Variants in UNC5D observed in about 807,000 individuals in gnomAD.
The protein encoded by UNC5D is netrin receptor UNC5D.
In UNC5D, 39 loss-of-function variants were observed where a neutral mutation model predicts 105.4. The observed-to-expected ratio is 0.37, with a 90% CI of 0.29 to 0.48. The LOEUF is 0.48. Among genes scored for constraint, UNC5D ranks in the 20% least tolerant of loss-of-function variants. The pLI is 0.98. For synonymous variants in UNC5D, 452 were observed against 450.4 expected (o/e 1.00, Z -0.04); for missense variants, 991 against 1,202.4 (o/e 0.82, Z 2.60).
rs369102474 is a variant in UNC5D at position 35,682,927 on chromosome 8, A to G, written c.571-620A>G. ...GTCAGCTACCTAACCCAAGGCCTAA[A>G]TGTCTCTTCGATCACTGGAGGAGTA... On this transcript the variant is annotated intron_variant, in intron 4 of 16. Transcript: ENST00000404895. Among the ~76,000 whole-genome samples, 47 of 152,330 alleles carry G rather than the reference A, an allele frequency of 3.1e-4. No individual in the cohort carries two copies. In the South Asian group the frequency reaches 9.3e-3, roughly 30 times the overall value.
At chr8:35,548,934 T>A (rs948596488) in intron 1 of UNC5D, among the ~76,000 whole-genome samples, 1 of 152,210 alleles carries the variant, frequency 6.6e-6, no homozygotes, top group Non-Finnish European at 1.5e-5. Context: ...TTGAAGCAGC[T>A]TGGGGTTGTC....
At chr8:35,744,745 G>T (rs1442763982) in intron 11 of UNC5D, among the ~76,000 whole-genome samples, 1 of 151,914 alleles carries the variant, frequency 6.6e-6, no homozygotes, top group East Asian at 1.9e-4. Context: ...GATGACCTAA[G>T]CAGGAAAAAA....
intron 7 of UNC5D, among the ~76,000 whole-genome samples, chr8:35,698,929 G>T (rs1044701474): frequency 1.3e-5 from 2 of 152,028 alleles, no homozygotes; most frequent in South Asian, 4.1e-4. Flanking sequence ...TGGAAGGTAG[G>T]GGATCAAAGC....
rs548740591 is a variant in UNC5D at position 35,239,528 on chromosome 8, A to G, written c.103+3641A>G. Among the ~76,000 whole-genome samples the G allele has an allele frequency of 2.0e-5, 3 of 151,000 alleles. No individual in the cohort carries two copies. The East Asian group carries it at 5.9e-4, about 29-fold the overall frequency. On this transcript the variant is annotated intron_variant, in intron 1 of 16. Transcript: ENST00000404895. ...TTTTTAATATCTAGGCTAGAGACTC[A>G]GACATGTATTAAAATCTAATCCCAA...
At chr8:35,643,233 A>G (rs1822860274) in intron 4 of UNC5D, among the ~76,000 whole-genome samples, 1 of 152,184 alleles carries the variant, frequency 6.6e-6, no homozygotes, top group Non-Finnish European at 1.5e-5. Context: ...ACAGCCAAAT[A>G]TGTCTCCAGA....
At chr8:35,530,318 C>T (rs1163726939) in intron 1 of UNC5D, among the ~76,000 whole-genome samples, 4 of 97,074 alleles carry the variant, frequency 4.1e-5, no homozygotes, top group African/African-American at 4.2e-5. Flanking sequence ...TGGTTTTTGT[C>T]TTTGGCTCTG....
At chr8:35,733,855 A>G (rs1411474727) in intron 11 of UNC5D, among the ~76,000 whole-genome samples, 1 of 152,178 alleles carries the variant, frequency 6.6e-6, no homozygotes, top group Non-Finnish European at 1.5e-5. Flanking sequence ...CTGAGTCTTA[A>G]AAGATGAATA....
intron 1 of UNC5D, among the ~76,000 whole-genome samples, chr8:35,465,871 A>G (rs927592870): frequency 1.3e-5 from 2 of 152,150 alleles, no homozygotes; most frequent in African/African-American, 2.4e-5. Context: ...GTAGAAGACA[A>G]TGCAGAGAAC....
At chr8:35,485,155 CAAAG>C (rs1049389475) in intron 1 of UNC5D, among the ~76,000 whole-genome samples, 19 of 152,074 alleles carry the variant, frequency 1.2e-4, no homozygotes, top group African/African-American at 4.6e-4. Flanking sequence ...AAGCAGAACA[CAAAG>C]AAAGCAGGAC....
intron 3 of UNC5D, among the ~76,000 whole-genome samples, chr8:35,583,857 T>C (rs953143387): frequency 6.6e-6 from 1 of 152,220 alleles, no homozygotes; most frequent in African/African-American, 2.4e-5. Flanking sequence ...AATTGCCTTC[T>C]ATGGAACTTG....
intron 3 of UNC5D, among the ~76,000 whole-genome samples, chr8:35,593,088 A>AC (rs1554569636): frequency 3.6e-5 from 5 of 137,836 alleles, no homozygotes; most frequent in Non-Finnish European, 8.0e-5. Context: ...CACACACACA[A>AC]ATATGTAAAT....
At chr8:35,287,011 C>G (rs1057009213) in intron 1 of UNC5D, among the ~76,000 whole-genome samples, 1 of 152,142 alleles carries the variant, frequency 6.6e-6, no homozygotes, top group Non-Finnish European at 1.5e-5. Context: ...AGAGCACAGC[C>G]AGAAATACTA....
intron 4 of UNC5D, among the ~76,000 whole-genome samples, chr8:35,605,123 C>A (rs547635575): frequency 2.6e-5 from 4 of 152,274 alleles, no homozygotes; most frequent in Middle Eastern, 3.4e-3. Context: ...AGAAGCTCTG[C>A]TTTTTAGAGT....
chr8:35,517,247 T>C (rs1813157018), intron 1 of UNC5D, among the ~76,000 whole-genome samples: 1 of 151,956 alleles, frequency 6.6e-6, no homozygotes, highest in Admixed American at 6.6e-5. Flanking sequence ...GTGTAGAGAG[T>C]ACCTAGACTG....
chr8:35,602,627 T>G (rs1308523143), intron 4 of UNC5D, among the ~76,000 whole-genome samples: 1 of 152,258 alleles, frequency 6.6e-6, no homozygotes, highest in Admixed American at 6.5e-5. Context: ...TTTGTATTTC[T>G]GTGGGATTGG....
At chr8:35,253,711 G>C (rs6993424) in intron 1 of UNC5D, among the ~76,000 whole-genome samples, 10 of 151,692 alleles carry the variant, frequency 6.6e-5, no homozygotes, top group African/African-American at 2.4e-4. Flanking sequence ...GGATGATTTC[G>C]ATTTCCTGAC....
intron 1 of UNC5D, among the ~76,000 whole-genome samples, chr8:35,250,286 GTTTGT>G (rs1803605581): frequency 6.6e-6 from 1 of 152,094 alleles, no homozygotes; most frequent in Admixed American, 6.5e-5. Context: ...TTGTTTGTTT[GTTTGT>G]TTTAAGTTCC....
chr8:35,530,325 T>G (rs199850022), intron 1 of UNC5D, among the ~76,000 whole-genome samples: 10,583 of 91,764 alleles, frequency 0.12, 805 homozygotes, highest in East Asian at 0.23. Flanking sequence ...TGTCTTTGGC[T>G]CTGTTTATAT....
At chr8:35,289,733 C>T (rs1806894038) in intron 1 of UNC5D, among the ~76,000 whole-genome samples, 1 of 152,128 alleles carries the variant, frequency 6.6e-6, no homozygotes, top group African/African-American at 2.4e-5. Flanking sequence ...TGGCAAAGTA[C>T]TTGAACAGTC....
Sources: gnomAD v4.1 joint callset for allele counts (sites outside exome capture counted in the v4.1 genomes callset) on GRCh38, gnomAD v4.1.1 for gene constraint, MANE v1.5 for transcripts, NCBI Gene and HGNC (gene_info 2026-07-23, HGNC 2026-07-21) for gene names.